Variants in FANCD2OS observed in about 807,000 individuals in gnomAD.
FANCD2OS encodes the protein FANCD2 opposite strand, also known as FANCD2 opposite strand protein.
FANCD2OS carries 11 observed loss-of-function variants against 13.2 expected under a neutral mutation model. That is an observed-to-expected ratio of 0.83 (90% CI 0.52 to 1.38). FANCD2OS has a LOEUF of 1.38. Among genes scored for constraint, FANCD2OS ranks in the 40% most tolerant of loss-of-function variants. FANCD2OS has a pLI of 0.00. For synonymous variants in FANCD2OS, 69 were observed against 84.5 expected (o/e 0.82, Z 1.01); for missense variants, 217 against 213.9 (o/e 1.01, Z -0.09).
downstream of FANCD2OS, among the ~76,000 whole-genome samples, chr3:10,100,444 G>C (rs1422219456): frequency 6.6e-6 from 1 of 152,160 alleles, no homozygotes; most frequent in African/African-American, 2.4e-5. Context: ...TGCAGTCTCA[G>C]CTCACTGCAG....
chr3:10,095,182 T>A (rs1381291302), intron 2 of FANCD2OS: 1 of 1,604,484 alleles, frequency 6.2e-7, no homozygotes, highest in Non-Finnish European at 8.5e-7. Context: ...AGAGCATTTA[T>A]AAACTTATTG....
intron 2 of FANCD2OS, among the ~76,000 whole-genome samples, chr3:10,082,831 A>C (rs1358416338): frequency 6.6e-6 from 1 of 152,216 alleles, no homozygotes; most frequent in Non-Finnish European, 1.5e-5. Flanking sequence ...TCTGAGCTCC[A>C]TGAAGGCAGA....
chr3:10,082,233 C>T (rs1193853300), intron 2 of FANCD2OS, among the ~76,000 whole-genome samples: 1 of 152,152 alleles, frequency 6.6e-6, no homozygotes, highest in South Asian at 2.1e-4. Flanking sequence ...TGCTCTCCAC[C>T]GTCTTTTTCC....
In FANCD2OS at chr3:10,095,025, G is replaced by T. The variant is rs1694869037; in HGVS notation, c.*43+9173C>A. On this transcript the variant is annotated intron_variant, in intron 2 of 2. Transcript: ENST00000524279. The stretch of plus-strand genomic sequence containing the variant: ...TACAAGGGACAGAAATGGGAGAGTT[G>T]AGAATAAGAGGTAGCTGCTATTCCT... 1.2e-5 allele frequency: 8 copies of T among 644,462 alleles called. No individual in the cohort carries two copies. The South Asian group carries it at 1.4e-4, about 11-fold the overall frequency. 39.9% of individuals were successfully genotyped at this position (644,462 alleles called of 1,614,324 possible). A position where few individuals can be genotyped will look rare whatever the true frequency, so the allele number is the denominator to read the frequency against.
intron 2 of FANCD2OS, among the ~76,000 whole-genome samples, chr3:10,083,213 C>A (rs892940086): frequency 2.0e-5 from 3 of 151,610 alleles, no homozygotes; most frequent in African/African-American, 7.3e-5. Context: ...GGCAACAGAA[C>A]CAGACCCCAT....
At chr3:10,104,847 A>T in intron 1 of FANCD2OS, 65 bp from the exon 2 acceptor site, 1 of 1,416,068 alleles carries the variant, frequency 7.1e-7, no homozygotes, top group Non-Finnish European at 9.5e-7. Flanking sequence ...ATGGCCTTTC[A>T]AATTCCCATC....
At chr3:10,085,748 C>T in intron 2 of FANCD2OS, 1 of 1,062,402 alleles carries the variant, frequency 9.4e-7, no homozygotes, top group African/African-American at 1.6e-5. Flanking sequence ...GGCCAGGATC[C>T]TTAAATACTA....
At chr3:10,095,305 C>T (rs1225034943) in intron 2 of FANCD2OS, 1 of 1,590,024 alleles carries the variant, frequency 6.3e-7, no homozygotes, top group Non-Finnish European at 8.6e-7. Context: ...TATCAGCAGC[C>T]TGCCTGTTGG....
chr3:10,087,103 G>T, intron 2 of FANCD2OS: 1 of 1,612,830 alleles, frequency 6.2e-7, no homozygotes. Flanking sequence ...GGATACTATT[G>T]CATTTGTTTG....
chr3:10,095,570 A>G lies in FANCD2OS; in HGVS notation c.*43+8628T>C, dbSNP rs1455350226. 3.3e-5 allele frequency among the ~76,000 whole-genome samples: 5 copies of G among 152,350 alleles called. No homozygotes were observed. In the South Asian group the frequency reaches 6.2e-4, roughly 19 times the overall value. Reference sequence around the variant, plus strand: ...TTACTTCTGCAAAGTCCTCTAGGTAACAGGACTGTGATGTAAGTGATGATC... The same window carrying G: ...TTACTTCTGCAAAGTCCTCTAGGTAGCAGGACTGTGATGTAAGTGATGATC... On this transcript the variant is annotated intron_variant, in intron 2 of 2. Transcript: ENST00000524279.
chr3:10,099,014 T>A, downstream of FANCD2OS: 3 of 1,613,012 alleles, frequency 1.9e-6, no homozygotes, highest in Non-Finnish European at 2.5e-6. Flanking sequence ...TTAGAATCAC[T>A]CCTGAGTATC....
chr3:10,081,442 A>T, exon 3 of FANCD2OS: 1 of 1,613,438 alleles, frequency 6.2e-7, no homozygotes, highest in Non-Finnish European at 8.5e-7. Flanking sequence ...GCTGCTGCAG[A>T]TTTTTCATGG....
intron 2 of FANCD2OS, chr3:10,096,558 C>G (rs1325011459): frequency 1.6e-6 from 2 of 1,272,312 alleles, no homozygotes; most frequent in East Asian, 4.6e-5. Context: ...GTCACCTAAG[C>G]CCTCGTCTCT....
downstream of FANCD2OS, among the ~76,000 whole-genome samples, chr3:10,100,963 G>GGAGGCT (rs1301410051): frequency 2.0e-5 from 3 of 152,056 alleles, no homozygotes; most frequent in Admixed American, 6.6e-5. Flanking sequence ...CAGCTACTTG[G>GGAGGCT]GAGGCTGAGG....
intron 2 of FANCD2OS, among the ~76,000 whole-genome samples, chr3:10,090,896 G>A (rs1023733489): frequency 2.6e-5 from 4 of 151,676 alleles, no homozygotes; most frequent in African/African-American, 9.7e-5. Context: ...TCTAGTTAGA[G>A]GTGAGGAATG....
At chr3:10,089,078 GT>G (rs1256378019) in intron 2 of FANCD2OS, 32 of 1,044,090 alleles carry the variant, frequency 3.1e-5, no homozygotes, top group Non-Finnish European at 4.5e-5. Context: ...GAGGTCAGGA[GT>G]TTTGAGACCC....
chr3:10,101,361 A>C, downstream of FANCD2OS: 1 of 560,136 alleles, frequency 1.8e-6, no homozygotes. Flanking sequence ...TACTGGTAGG[A>C]TCCTTTTTTG....
chr3:10,104,859 C>T, intron 1 of FANCD2OS, 77 bp from the exon 2 acceptor site: 13 of 1,314,770 alleles, frequency 9.9e-6, no homozygotes, highest in Non-Finnish European at 1.2e-5. Flanking sequence ...ATTCCCATCT[C>T]TGTCTCACTA....
At position 10,089,508 on chromosome 3, in the gene FANCD2OS, C is replaced by G. The variant is rs972388546; in HGVS notation, c.*44-7977G>C. The stretch of plus-strand genomic sequence containing the variant: ...TTGTTTTGTTTTTGAGAAAACTTGT[C>G]ACCCAGGCTGGAGTGCAGTGGCGTA... On this transcript the variant is annotated intron_variant, in intron 2 of 2. Coordinates refer to the FANCD2OS transcript ENST00000524279. Among the ~76,000 whole-genome samples the G allele has an allele frequency of 4.6e-5, 7 of 152,106 alleles. No homozygotes were observed. In the East Asian group the frequency reaches 9.7e-4, roughly 21 times the overall value.
Sources: gnomAD v4.1 joint callset for allele counts (sites outside exome capture counted in the v4.1 genomes callset) on GRCh38, gnomAD v4.1.1 for gene constraint, MANE v1.5 for transcripts, NCBI Gene and HGNC (gene_info 2026-07-23, HGNC 2026-07-21) for gene names.